Variants in ASCC3 observed in about 807,000 individuals in gnomAD.
ASCC3 encodes activating signal cointegrator 1 complex subunit 3, also known as ASC-1 complex subunit P200.
A neutral mutation model predicts 256.3 loss-of-function variants in ASCC3; 158 were observed. The ratio of observed to expected loss-of-function variants is 0.62; its 90% CI spans 0.54 to 0.70. The LOEUF is 0.70. Ranked by LOEUF, ASCC3 falls within the 30% of genes least tolerant of loss-of-function variation. ASCC3 has a pLI of 0.00. For missense variants in ASCC3, 2,259 were observed against 2,626.0 expected (o/e 0.86, Z 3.05); for synonymous variants, 948 against 883.4 (o/e 1.07, Z -1.30).
chr6:100,609,064 C>T (rs1299551204), intron 30 of ASCC3, among the ~76,000 whole-genome samples: 1 of 151,202 alleles, frequency 6.6e-6, no homozygotes, highest in Non-Finnish European at 1.5e-5. Flanking sequence ...GCCTGGCCTG[C>T]TATAAATATT....
intron 36 of ASCC3, among the ~76,000 whole-genome samples, chr6:100,581,104 G>C (rs10872597): frequency 6.6e-6 from 1 of 151,982 alleles, no homozygotes; most frequent in African/African-American, 2.4e-5. Context: ...CCCAGTAATG[G>C]GATGGCTGGG....
chr6:100,544,201 T>C (rs1260558764), intron 36 of ASCC3, among the ~76,000 whole-genome samples: 1 of 152,052 alleles, frequency 6.6e-6, no homozygotes, highest in Non-Finnish European at 1.5e-5. Flanking sequence ...AAACTAAACA[T>C]CTATATTAGA....
At chr6:100,584,496 G>T (rs1038632952) in intron 36 of ASCC3, among the ~76,000 whole-genome samples, 1 of 152,038 alleles carries the variant, frequency 6.6e-6, no homozygotes, top group Non-Finnish European at 1.5e-5. Context: ...ACGTGAGATG[G>T]GTTTCCTGAA....
chr6:100,520,528 A>G (rs969428146), intron 37 of ASCC3, among the ~76,000 whole-genome samples: 1 of 151,358 alleles, frequency 6.6e-6, no homozygotes, highest in Non-Finnish European at 1.5e-5. Flanking sequence ...TTCAAATGCT[A>G]CTTTTTACAA....
At chr6:100,715,593 A>T (rs1562245133) in intron 12 of ASCC3, 60 bp from the exon 13 acceptor site, 9 of 1,491,220 alleles carry the variant, frequency 6.0e-6, no homozygotes, top group Non-Finnish European at 8.3e-6. Flanking sequence ...TTCTAACTAC[A>T]AATAAAATTT....
At chr6:100,851,446 T>A (rs897152658) in intron 3 of ASCC3, among the ~76,000 whole-genome samples, 8 of 152,218 alleles carry the variant, frequency 5.3e-5, no homozygotes, top group African/African-American at 1.9e-4. Context: ...GATTTATATA[T>A]CTTGCCTTTA....
At chr6:100,657,262 T>C (rs184506351) in intron 16 of ASCC3, among the ~76,000 whole-genome samples, 2 of 151,574 alleles carry the variant, frequency 1.3e-5, no homozygotes, top group East Asian at 3.9e-4. Flanking sequence ...AAGCCATCCA[T>C]AATGTAGGTA....
chr6:100,761,464 G>T (rs1443534464), intron 10 of ASCC3, among the ~76,000 whole-genome samples: 1 of 152,084 alleles, frequency 6.6e-6, no homozygotes, highest in Admixed American at 6.6e-5. Flanking sequence ...GTCCAGCCTT[G>T]GTGACAGAGT....
intron 32 of ASCC3, among the ~76,000 whole-genome samples, chr6:100,606,052 A>T (rs1279419486): frequency 6.6e-6 from 1 of 151,936 alleles, no homozygotes; most frequent in Non-Finnish European, 1.5e-5. Flanking sequence ...AAAATAAAAT[A>T]TATATACAAA....
chr6:100,835,374 CTCTTA>C (rs1158411853), intron 4 of ASCC3, among the ~76,000 whole-genome samples: 3 of 152,050 alleles, frequency 2.0e-5, no homozygotes, highest in Non-Finnish European at 4.4e-5. Flanking sequence ...AGAAGCATTT[CTCTTA>C]TGTTGTTGTC....
In ASCC3 at chr6:100,786,394, A is replaced by T. The variant is rs572576263; in HGVS notation, c.1395+12319T>A. Reference sequence around the variant, plus strand: ...CTCTTGTTTAAGGAGATGTACATTTAAAATGGCATTCTTGCACTATTTAAT... The same window carrying T: ...CTCTTGTTTAAGGAGATGTACATTTTAAATGGCATTCTTGCACTATTTAAT... On this transcript the variant is annotated intron_variant, in intron 8 of 41. Transcript: ENST00000369162. 5.9e-5 allele frequency among the ~76,000 whole-genome samples: 9 copies of T among 152,304 alleles called. No homozygotes were observed. In the East Asian group the frequency reaches 1.7e-3, roughly 29 times the overall value.
chr6:100,584,223 A>C (rs1229585240), intron 36 of ASCC3, among the ~76,000 whole-genome samples: 1 of 151,102 alleles, frequency 6.6e-6, no homozygotes, highest in Admixed American at 6.8e-5. Context: ...TGGGAGTCTA[A>C]GTCTCTTTGT....
intron 37 of ASCC3, among the ~76,000 whole-genome samples, chr6:100,535,284 G>A (rs1171919703): frequency 6.6e-6 from 1 of 152,074 alleles, no homozygotes; most frequent in African/African-American, 2.4e-5. Context: ...AAGGCCAATA[G>A]TACCCATGTT....
At chr6:100,515,650 CAT>C (rs1400369622) in intron 39 of ASCC3, among the ~76,000 whole-genome samples, 1 of 152,224 alleles carries the variant, frequency 6.6e-6, no homozygotes, top group Non-Finnish European at 1.5e-5. Flanking sequence ...CACTCACACA[CAT>C]AGTTTATTTG....
At chr6:100,612,666 T>C (rs1773465311) in intron 30 of ASCC3, among the ~76,000 whole-genome samples, 1 of 152,030 alleles carries the variant, frequency 6.6e-6, no homozygotes, top group Non-Finnish European at 1.5e-5. Context: ...TTTCTTTTAA[T>C]ACAAGTCTGT....
chr6:100,812,114 A>G (rs1474635978), intron 4 of ASCC3, among the ~76,000 whole-genome samples: 1 of 152,190 alleles, frequency 6.6e-6, no homozygotes, highest in East Asian at 1.9e-4. Flanking sequence ...AGAGGGGATG[A>G]AATCATCTCC....
intron 3 of ASCC3, chr6:100,858,535 T>G: frequency 2.1e-6 from 2 of 949,194 alleles, no homozygotes; most frequent in Non-Finnish European, 2.5e-6. Context: ...ATGTTAGATA[T>G]TCATAAAATG....
chr6:100,848,168 C>A lies in ASCC3; in HGVS notation c.781G>T (p.Gly261Cys), dbSNP rs985216101. 6.3e-7 allele frequency: 1 copy of A among 1,594,892 alleles called. No homozygotes were observed. The highest frequency in any genetic ancestry group is 1.2e-5 in the South Asian group (1 of 86,862). The stretch of plus-strand genomic sequence containing the variant: ...TATACCTCATCCTGAAGTTCATCAC[C>A]ACTTTTAATAGAAGCAAGCATATCA... ...LYDMLASIKSGDELQDELFEL... is the reference protein window; with the variant it reads ...LYDMLASIKSCDELQDELFEL... The change falls in exon 4 of 42, where the codon GGT (glycine) becomes TGT (cysteine). Residue 261 changes from glycine to cysteine, a missense_variant. Transcript: ENST00000369162.
chr6:100,512,941 C>T, intron 39 of ASCC3, 23 bp from the exon 40 acceptor site: 2 of 1,598,606 alleles, frequency 1.3e-6, no homozygotes, highest in Non-Finnish European at 1.7e-6. Context: ...AGAAAAGAAA[C>T]AATAAAGGAG....
Sources: gnomAD v4.1 joint callset for allele counts (sites outside exome capture counted in the v4.1 genomes callset) on GRCh38, gnomAD v4.1.1 for gene constraint, MANE v1.5 for transcripts, NCBI Gene and HGNC (gene_info 2026-07-23, HGNC 2026-07-21) for gene names.